FNDC3B: variants seen among roughly 807,000 people sequenced by gnomAD.
FNDC3B encodes fibronectin type III domain-containing protein 3B.
In FNDC3B, 12 loss-of-function variants were observed where a neutral mutation model predicts 151.5. The observed-to-expected ratio is 0.08, with a 90% CI of 0.05 to 0.13. The LOEUF is 0.13. Ranked by LOEUF, FNDC3B falls within the 10% of genes least tolerant of loss-of-function variation. FNDC3B has a pLI of 1.00. For missense variants in FNDC3B, 1,214 were observed against 1,505.3 expected, an observed-to-expected ratio of 0.81 and a Z score of 3.20; for synonymous variants, 528 against 549.0, an observed-to-expected ratio of 0.96 and a Z score of 0.54.
chr3:172,169,350 C>T (rs1723176677), intron 3 of FNDC3B, among the ~76,000 whole-genome samples: 1 of 152,202 alleles, frequency 6.6e-6, no homozygotes. Context: ...CTGAGTGAGG[C>T]CTGCCTGTAG....
At chr3:172,044,094 G>T (rs1383489804) in intron 1 of FNDC3B, among the ~76,000 whole-genome samples, 3 of 152,128 alleles carry the variant, frequency 2.0e-5, no homozygotes, top group African/African-American at 7.2e-5. Flanking sequence ...AAACACATTG[G>T]ATTCATCCAT....
intron 11 of FNDC3B, among the ~76,000 whole-genome samples, chr3:172,313,959 C>A (rs1014584101): frequency 5.3e-5 from 8 of 152,126 alleles, no homozygotes; most frequent in Non-Finnish European, 1.2e-4. Context: ...GTCTTTGGGT[C>A]CCACATTCCT....
At chr3:172,173,815 G>A (rs1181971323) in intron 3 of FNDC3B, among the ~76,000 whole-genome samples, 1 of 145,660 alleles carries the variant, frequency 6.9e-6, no homozygotes, top group Non-Finnish European at 1.5e-5. Flanking sequence ...GCAAGACCCT[G>A]TCTGGGGGAG....
chr3:172,155,022 G>C (rs1722416053), intron 3 of FNDC3B, among the ~76,000 whole-genome samples: 2 of 152,044 alleles, frequency 1.3e-5, no homozygotes. Context: ...TCACTGGGGG[G>C]CGGCAGTAGG....
chr3:172,066,123 G>A (rs1717484348), intron 1 of FNDC3B, among the ~76,000 whole-genome samples: 1 of 152,176 alleles, frequency 6.6e-6, no homozygotes, highest in South Asian at 2.1e-4. Context: ...TGATAACCTG[G>A]CTGTTAGCCC....
At chr3:172,117,853 A>C (rs1383783212) in intron 2 of FNDC3B, among the ~76,000 whole-genome samples, 2 of 152,164 alleles carry the variant, frequency 1.3e-5, no homozygotes, top group African/African-American at 4.8e-5. Context: ...AATATTGCTG[A>C]GTGTTTTTAA....
At chr3:172,295,586 C>A in intron 8 of FNDC3B, 72 bp downstream of exon 8, 2 of 1,477,822 alleles carry the variant, frequency 1.4e-6, no homozygotes, top group Non-Finnish European at 9.2e-7. Context: ...AAATGGAAAA[C>A]AAAGGAAAAC....
chr3:172,202,703 G>T (rs952158342), intron 3 of FNDC3B, among the ~76,000 whole-genome samples: 1 of 152,172 alleles, frequency 6.6e-6, no homozygotes. Flanking sequence ...GTAGATTCCC[G>T]TGTAGACCCT....
At chr3:172,138,829 G>C (rs77171489) in intron 3 of FNDC3B, among the ~76,000 whole-genome samples, 8 of 152,200 alleles carry the variant, frequency 5.3e-5, no homozygotes, top group Non-Finnish European at 1.2e-4. Context: ...AACAGAATGC[G>C]TGCAGAGGGG....
At chr3:172,315,188 G>A (rs1576902778) in intron 11 of FNDC3B, among the ~76,000 whole-genome samples, 1 of 152,092 alleles carries the variant, frequency 6.6e-6, no homozygotes, top group Non-Finnish European at 1.5e-5. Flanking sequence ...ACCAGCCTGG[G>A]CAACACGGTG....
At chr3:172,327,048 T>C (rs543455332) in intron 11 of FNDC3B, among the ~76,000 whole-genome samples, 3 of 152,268 alleles carry the variant, frequency 2.0e-5, no homozygotes, top group South Asian at 4.1e-4. Context: ...AGGGCTCCCA[T>C]AGAGTGTGAT....
At chr3:172,188,728 GAA>G (rs1293349734) in intron 3 of FNDC3B, among the ~76,000 whole-genome samples, 3 of 152,074 alleles carry the variant, frequency 2.0e-5, no homozygotes, top group Non-Finnish European at 4.4e-5. Context: ...GTTTAATTGA[GAA>G]GTTTCAGGGC....
chr3:172,281,593 T>C (rs1729729111), intron 6 of FNDC3B, among the ~76,000 whole-genome samples: 1 of 152,212 alleles, frequency 6.6e-6, no homozygotes, highest in Admixed American at 6.5e-5. Context: ...TTTTGTCTAA[T>C]TTATTTACTG....
intron 6 of FNDC3B, among the ~76,000 whole-genome samples, chr3:172,263,848 G>T (rs1728786856): frequency 6.6e-6 from 1 of 152,128 alleles, no homozygotes; most frequent in African/African-American, 2.4e-5. Flanking sequence ...AGTTGCTATT[G>T]CATTAGCATT....
At chr3:172,157,629 T>C (rs990337994) in intron 3 of FNDC3B, among the ~76,000 whole-genome samples, 2 of 152,224 alleles carry the variant, frequency 1.3e-5, no homozygotes, top group African/African-American at 4.8e-5. Flanking sequence ...TAGTGTCATG[T>C]AAATGAAATC....
chr3:172,316,000 CTTTT>C (rs555242809), intron 11 of FNDC3B, among the ~76,000 whole-genome samples: 18 of 79,882 alleles, frequency 2.3e-4, no homozygotes, highest in South Asian at 6.3e-4. Context: ...CTTTCTTCTT[CTTTT>C]TTTTTTTTTT....
At chr3:172,085,173 G>C (rs1176529220) in intron 1 of FNDC3B, among the ~76,000 whole-genome samples, 1 of 152,190 alleles carries the variant, frequency 6.6e-6, no homozygotes, top group African/African-American at 2.4e-5. Context: ...TGATCAATGA[G>C]ATTGAATTTG....
chr3:172,258,624 A>G (rs1048837561), intron 6 of FNDC3B, among the ~76,000 whole-genome samples: 1 of 152,152 alleles, frequency 6.6e-6, no homozygotes, highest in South Asian at 2.1e-4. Context: ...CTTGGAGTCT[A>G]TCCTTTTGCT....
chr3:172,129,721 A>G (rs960673105), intron 2 of FNDC3B, among the ~76,000 whole-genome samples: 2 of 152,224 alleles, frequency 1.3e-5, no homozygotes, highest in Admixed American at 6.5e-5. Flanking sequence ...ATGAAGCAAT[A>G]GTAGCTTAGA....
Sources: allele counts gnomAD v4.1 joint callset (sites outside exome capture counted in the v4.1 genomes callset), GRCh38; gene constraint gnomAD v4.1.1; transcripts MANE v1.5; gene names NCBI Gene and HGNC (gene_info 2026-07-23, HGNC 2026-07-21).